The following EP400 variants were observed in gnomAD, a reference collection of about 807,000 sequenced individuals.
The protein encoded by EP400 is E1A-binding protein p400.
A neutral mutation model predicts 354.1 loss-of-function variants in EP400; 105 were observed. The ratio of observed to expected loss-of-function variants is 0.30; its 90% CI spans 0.25 to 0.35. The LOEUF (loss-of-function observed/expected upper bound fraction) is 0.35. Ranked by LOEUF, EP400 falls within the 10% of genes least tolerant of loss-of-function variation. EP400 has a pLI of 1.00. For synonymous variants in EP400, 1,646 were observed against 1,716.9 expected, an observed-to-expected ratio of 0.96 and a Z score of 1.02; for missense variants, 3,280 against 4,121.0, an observed-to-expected ratio of 0.80 and a Z score of 5.59.
At chr12:131,950,771 T>G (rs943752724) in intron 1 of EP400, among the ~76,000 whole-genome samples, 8 of 152,266 alleles carry the variant, frequency 5.3e-5, no homozygotes, top group African/African-American at 1.9e-4. Context: ...AATTACTTTC[T>G]GAGACGGGGT....
intron 21 of EP400, 57 bp from the exon 22 acceptor site, chr12:132,019,992 T>C: frequency 6.9e-7 from 1 of 1,449,368 alleles, no homozygotes; most frequent in South Asian, 1.5e-5. Flanking sequence ...TGAGGTGGCC[T>C]GTCCTCTCTG....
At position 132,077,664 on chromosome 12, in the gene EP400, G is replaced by A. The variant is rs753679576; in HGVS notation, c.9363G>A (p.Pro3121=). ...AVRLKTPTKP[P]CQ ...GGCTAAAGACACCTACTAAGCCTCCGTGCCAGTAGTCAGGGCAGCAGGGCT... is the reference window on the plus strand; with the variant it reads ...GGCTAAAGACACCTACTAAGCCTCCATGCCAGTAGTCAGGGCAGCAGGGCT... The change falls in exon 53 of 53, where the codon CCG becomes CCA. Residue 3121 remains proline, a synonymous_variant. Transcript: ENST00000389561. 1.2e-5 allele frequency: 20 copies of A among 1,607,012 alleles called. No individual in the cohort carries two copies. The highest frequency in any genetic ancestry group is 8.4e-5 in the Admixed American group (5 of 59,480).
chr12:132,069,366 A>C (rs1896002348), intron 50 of EP400, 129 bp from the exon 51 acceptor site: 1 of 1,341,052 alleles, frequency 7.5e-7, no homozygotes, highest in African/African-American at 1.5e-5. Flanking sequence ...GTGGGTATGC[A>C]CAGGGTTGGT....
At chr12:132,051,932 G>A (rs1034438131) in intron 41 of EP400, among the ~76,000 whole-genome samples, 19 of 152,296 alleles carry the variant, frequency 1.2e-4, no homozygotes, top group African/African-American at 3.6e-4. Flanking sequence ...TGGCGTTACC[G>A]CTAGACCCAG....
At position 132,077,478 on chromosome 12, in the gene EP400, G is replaced by A. The variant is rs745658536; in HGVS notation, c.9177G>A (p.Ala3059=). ...QQVQMIPAVT[A]TAQVVQQKLI... is the part of the protein sequence containing the mutation. Reference sequence around the variant, plus strand: ...TGCAGATGATCCCTGCAGTGACCGCGACTGCCCAGGTGGTTCAGCAGAAAC... The same window carrying A: ...TGCAGATGATCCCTGCAGTGACCGCAACTGCCCAGGTGGTTCAGCAGAAAC... Residue 3059 remains alanine (A), a synonymous_variant, in exon 53 of 53, where the codon GCG becomes GCA. Transcript: ENST00000389561. The A allele has an allele frequency of 7.4e-6, 12 of 1,613,416 alleles. No homozygotes were observed. The highest frequency in any genetic ancestry group is 2.2e-5 in the East Asian group (1 of 44,898).
intron 47 of EP400, among the ~76,000 whole-genome samples, chr12:132,064,002 T>C (rs1895799030): frequency 6.8e-6 from 1 of 147,780 alleles, no homozygotes; most frequent in Non-Finnish European, 1.5e-5. Context: ...CCTTGTCACC[T>C]GCCCCGGTTC....
At chr12:132,063,049 G>C (rs1895759869) in intron 47 of EP400, among the ~76,000 whole-genome samples, 1 of 152,208 alleles carries the variant, frequency 6.6e-6, no homozygotes, top group South Asian at 2.1e-4. Context: ...CTGGTGAGAA[G>C]ATATTCCTCA....
In EP400 at chr12:131,986,594, C is replaced by G; in HGVS notation, c.2010C>G (p.Leu670=). 1 of 1,614,048 alleles carries G rather than the reference C, an allele frequency of 6.2e-7. No homozygotes were observed. The highest frequency in any genetic ancestry group is 8.5e-7 in the Non-Finnish European group (1 of 1,180,034). Residue 670 remains leucine, a synonymous_variant, in exon 6 of 53, where the codon CTC becomes CTG. Coordinates refer to ENST00000389561, the MANE Select transcript of EP400 (RefSeq NM_015409.5). ...RPLPTSSTSS[L]APVSGSGPGP... is the part of the protein sequence containing the mutation. The stretch of plus-strand genomic sequence containing the variant: ...TGCCCACCTCTTCTACCTCGTCCCT[C>G]GCGCCTGTGAGTGGCTCCGGCCCAG...
chr12:132,064,557 G>GTC, intron 47 of EP400, 111 bp from the exon 48 acceptor site: 7 of 1,407,312 alleles, frequency 5.0e-6, no homozygotes, highest in South Asian at 4.1e-5. Flanking sequence ...GGTAGCAGGT[G>GTC]TCTGCTTTGG....
At chr12:131,956,288 A>G (rs1044482646) in intron 1 of EP400, among the ~76,000 whole-genome samples, 3 of 152,118 alleles carry the variant, frequency 2.0e-5, no homozygotes, top group African/African-American at 7.2e-5. Context: ...CATCAGGGGA[A>G]GGTCAGTTTT....
At position 132,039,531 on chromosome 12, in the gene EP400, C is replaced by A. The variant is rs543248308; in HGVS notation, c.6207+1435C>A. On this transcript the variant is annotated intron_variant, in intron 32 of 52. Coordinates refer to ENST00000389561, the MANE Select transcript of EP400 (RefSeq NM_015409.5). ...CTGAGGGATCCACCCGTGACCCAAACCTTTGAGAATTTATAATGAAAAGCC... is the reference window on the plus strand; with the variant it reads ...CTGAGGGATCCACCCGTGACCCAAAACTTTGAGAATTTATAATGAAAAGCC... 1.1e-4 allele frequency among the ~76,000 whole-genome samples: 16 copies of A among 152,324 alleles called. 1 individual carries two copies. Among genetic ancestry groups the A allele is most frequent in the African/African-American group, 3.6e-4 (15 of 41,570 alleles).
chr12:132,045,589 G>T, intron 38 of EP400, 29 bp downstream of exon 38: 1 of 1,610,470 alleles, frequency 6.2e-7, no homozygotes, highest in Non-Finnish European at 8.5e-7. Context: ...TGTGCCAGCG[G>T]TCATGTGCGG....
At chr12:131,997,541 C>T (rs1893255994) in intron 12 of EP400, among the ~76,000 whole-genome samples, 1 of 152,086 alleles carries the variant, frequency 6.6e-6, no homozygotes, top group South Asian at 2.1e-4. Context: ...CAGGTGTGAG[C>T]CATCGTGCCT....
Position 132,028,162 on chromosome 12 carries a change from C to T in EP400, c.5255C>T (p.Ser1752Phe). 1 of 1,614,128 alleles carries T rather than the reference C, an allele frequency of 6.2e-7. No homozygotes were observed. The highest frequency in any genetic ancestry group is 8.5e-7 in the Non-Finnish European group (1 of 1,180,018). The change falls in exon 27 of 53, where the codon TCC becomes TTC. Residue 1752 changes from serine (S) to phenylalanine (F), a missense_variant. By Grantham distance (155) the Ser-to-Phe change is radical. Around this residue, in one of 20 missense-constraint regions of EP400, gnomAD observed 459 missense variants for 496.9 expected, o/e 0.92. Transcript: ENST00000389561. ...PSHGRVQWRG[S>F]LDGRRGKEAG... is the part of the protein sequence containing the mutation. ...CATGGAAGGGTACAGTGGCGTGGGTCCCTGGATGGCCGTCGTGGGAAGGAG... is the reference window on the plus strand; with the variant it reads ...CATGGAAGGGTACAGTGGCGTGGGTTCCTGGATGGCCGTCGTGGGAAGGAG...
rs941587873 is a variant in EP400 at position 131,981,653 on chromosome 12, T to C, written c.1543+57T>C. ...TCAGGAGCAGGCAGCACACTGCGGT[T>C]CCAGAAACCAGCACCAGACTCAGAC... is the stretch of plus-strand genomic sequence containing the variant. On this transcript the variant is annotated intron_variant, in intron 4 of 52. Coordinates refer to ENST00000389561, the MANE Select transcript of EP400 (RefSeq NM_015409.5). The C allele has an allele frequency of 1.6e-5, 23 of 1,453,472 alleles. No individual in the cohort carries two copies. The African/African-American group carries it at 3.1e-4, about 20-fold the overall frequency. The allele number at this position is 1,453,472 out of a possible 1,614,324, so 90.0% of individuals were successfully genotyped here. A position where few individuals can be genotyped will look rare whatever the true frequency, so the allele number is the denominator to read the frequency against.
Position 132,027,420 on chromosome 12 carries a change from C to G in EP400, c.5015-17C>G. On this transcript the variant is annotated splice_polypyrimidine_tract_variant and intron_variant, in intron 25 of 52. Coordinates refer to ENST00000389561, the MANE Select transcript of EP400 (RefSeq NM_015409.5). The surrounding 1 kb of genome is among the most constrained non-coding windows in gnomAD (Gnocchi z 4.9). ...AACTTGGCGTTCCTTTTCACCTCTT[C>G]CTTTATGCATTTGTAGTTGGCGTTC... is the stretch of plus-strand genomic sequence containing the variant. The G allele has an allele frequency of 1.2e-6, 2 of 1,613,826 alleles. No individual in the cohort carries two copies. The highest frequency in any genetic ancestry group is 1.7e-6 in the Non-Finnish European group (2 of 1,179,908).
In EP400 at chr12:132,070,658, G is replaced by A. The variant is rs569527128; in HGVS notation, c.9021+1017G>A. Among the ~76,000 whole-genome samples, 6 of 152,346 alleles carry A rather than the reference G, an allele frequency of 3.9e-5. No homozygotes were observed. The South Asian group carries it at 1.2e-3, about 32-fold the overall frequency. On this transcript the variant is annotated intron_variant, in intron 51 of 52. Transcript: ENST00000389561. This position sits in a 1 kb window ranked among gnomAD's most constrained non-coding sequence, Gnocchi z 4.1. ...GCATTGATTCTGTAGCTGTTCAGGG[G>A]AGAGTTGACATCTTTACAGTCTTTC...
At chr12:132,074,431 T>A (rs1056730094) in intron 51 of EP400, among the ~76,000 whole-genome samples, 15 of 152,218 alleles carry the variant, frequency 9.9e-5, no homozygotes, top group African/African-American at 3.6e-4. Flanking sequence ...ACTGAGACGT[T>A]GTCTTTGTCT....
chr12:132,035,459 A>G (rs1038876677), intron 30 of EP400, among the ~76,000 whole-genome samples: 3 of 152,236 alleles, frequency 2.0e-5, no homozygotes, highest in African/African-American at 7.2e-5. Flanking sequence ...AGTGGGAAGT[A>G]AGGCGGACAT....
Sources: gnomAD v4.1 joint callset for allele counts (sites outside exome capture counted in the v4.1 genomes callset) on GRCh38, gnomAD v4.1.1 for gene constraint, gnomAD v4.1.1 regional missense constraint, Gnocchi (gnomAD v3.1) non-coding constraint, MANE v1.5 for transcripts, NCBI Gene and HGNC (gene_info 2026-07-23, HGNC 2026-07-21) for gene names.